Variants in ZNF568 observed in about 807,000 individuals in gnomAD.
ZNF568 encodes p53 inhibitor of SCO2 activation.
In ZNF568, 11 loss-of-function variants were observed where a neutral mutation model predicts 18.1. The observed-to-expected ratio is 0.61, with a 90% CI of 0.38 to 1.00. The LOEUF is 1.00. Ranked by LOEUF, ZNF568 falls within the 50% of genes least tolerant of loss-of-function variation. ZNF568 has a pLI of 0.01. For synonymous variants in ZNF568, 213 were observed against 246.6 expected (o/e 0.86, Z 1.28); for missense variants, 639 against 768.2 (o/e 0.83, Z 1.99).
chr19:36,925,429 C>T (rs1477679968), intron 4 of ZNF568, among the ~76,000 whole-genome samples, 171 bp downstream of exon 4: 1 of 152,078 alleles, frequency 6.6e-6, no homozygotes, highest in Non-Finnish European at 1.5e-5. Context: ...TATGCAGAAG[C>T]AGGTACATAC....
chr19:36,926,401 G>C (rs943929242), intron 4 of ZNF568, among the ~76,000 whole-genome samples: 15 of 152,130 alleles, frequency 9.9e-5, no homozygotes, highest in African/African-American at 3.6e-4. Context: ...AGTTACTTCT[G>C]TTGGCGCGGT....
intron 7 of ZNF568, among the ~76,000 whole-genome samples, chr19:36,977,833 AT>A (rs2074298373): frequency 1.3e-5 from 2 of 152,170 alleles, no homozygotes; most frequent in South Asian, 4.1e-4. Context: ...CATTTCTGCC[AT>A]TTGCTAGCTC....
chr19:36,995,779 A>C (rs761568324), intron 4 of ZNF568, among the ~76,000 whole-genome samples: 51 of 152,192 alleles, frequency 3.4e-4, no homozygotes, highest in Non-Finnish European at 6.5e-4. Context: ...TTGGATTAAT[A>C]CTAGCTTAAC....
chr19:36,962,530 G>T (rs934896941), intron 6 of ZNF568, among the ~76,000 whole-genome samples: 7 of 151,358 alleles, frequency 4.6e-5, no homozygotes, highest in Non-Finnish European at 1.0e-4. Context: ...TAGTAGAGAC[G>T]GTCTTTTACC....
intron 1 of ZNF568, among the ~76,000 whole-genome samples, chr19:36,917,291 G>T (rs1325372634): frequency 6.6e-6 from 1 of 152,148 alleles, no homozygotes; most frequent in African/African-American, 2.4e-5. Flanking sequence ...TCACCAGAGC[G>T]CAAGAGAGAT....
At chr19:36,919,034 C>T (rs77630606) in intron 2 of ZNF568, among the ~76,000 whole-genome samples, 19,888 of 152,068 alleles carry the variant, frequency 0.13, 1,468 homozygotes, top group African/African-American at 0.19. Context: ...ATTTATTCAT[C>T]ATTGGACACT....
chr19:36,986,323 C>A (rs2074376544), intron 2 of ZNF568, among the ~76,000 whole-genome samples: 1 of 152,060 alleles, frequency 6.6e-6, no homozygotes, highest in Non-Finnish European at 1.5e-5. Context: ...GACCCCCCAA[C>A]TTGGCCAGCT....
intron 4 of ZNF568, chr19:36,991,946 T>A: frequency 1.1e-6 from 1 of 926,890 alleles, no homozygotes; most frequent in South Asian, 1.8e-5. Context: ...GAAAGCTGCC[T>A]AAAAAGGCTT....
At chr19:36,953,995 G>A (rs775002911), downstream of ZNF568, among the ~76,000 whole-genome samples, 2 of 152,272 alleles carry the variant, frequency 1.3e-5, no homozygotes, top group Non-Finnish European at 2.9e-5. Flanking sequence ...AGGCCTAGGC[G>A]GGCCGATTAC....
At chr19:36,954,913 T>C (rs2074096158), downstream of ZNF568, among the ~76,000 whole-genome samples, 1 of 151,710 alleles carries the variant, frequency 6.6e-6, no homozygotes, top group Non-Finnish European at 1.5e-5. Flanking sequence ...GGGGTCTCCC[T>C]CTGTTGCCCA....
chr19:36,927,903 ATTTTTTTTTTTTTTTTTTT>A (rs71177414), intron 4 of ZNF568, among the ~76,000 whole-genome samples: 1 of 26,602 alleles, frequency 3.8e-5, no homozygotes, highest in Non-Finnish European at 5.6e-5. Flanking sequence ...ATATATATAT[ATTTTTTTTTTTTTTTTTTT>A]TTTTTTTTTG....
chr19:36,919,103 A>G (rs2073405867), intron 2 of ZNF568, among the ~76,000 whole-genome samples: 1 of 152,160 alleles, frequency 6.6e-6, no homozygotes, highest in Non-Finnish European at 1.5e-5. Context: ...TGGGTATACA[A>G]CTATCTGAGT....
At chr19:36,964,817 AATAAAC>A (rs1419332654) in intron 6 of ZNF568, among the ~76,000 whole-genome samples, 1 of 152,170 alleles carries the variant, frequency 6.6e-6, no homozygotes, top group Non-Finnish European at 1.5e-5. Context: ...CTTATAAATA[AATAAAC>A]ATAAAATAAT....
intron 4 of ZNF568, 157 bp from the exon 5 acceptor site, chr19:36,936,589 C>A: frequency 1.7e-6 from 1 of 600,620 alleles, no homozygotes; most frequent in Non-Finnish European, 2.6e-6. Flanking sequence ...AATGTCCAAC[C>A]ATTATTTCTT....
chr19:36,996,436 C>T lies in ZNF568; in HGVS notation c.349C>T (p.Gln117Ter), dbSNP rs1262674394. 3.9e-6 allele frequency: 6 copies of T among 1,536,368 alleles called. No individual in the cohort carries two copies. In the South Asian group the frequency reaches 7.1e-5, roughly 18 times the overall value. Residue 117 changes from glutamine (Q) to a stop codon, truncating the protein, a stop_gained, in exon 5 of 5, where the codon CAA (glutamine) becomes TAA (stop). Coordinates refer to the ZNF568 transcript ENST00000433993. LOFTEE classifies it low-confidence loss of function (END_TRUNC). The stretch of plus-strand genomic sequence containing the variant: ...AGAAATCAGATGCCAGGTGGAGAGA[C>T]AACAGGGTCATCAGGAGGGACATTT...
intron 6 of ZNF568, among the ~76,000 whole-genome samples, chr19:36,941,672 G>T (rs565094225): frequency 6.6e-6 from 1 of 152,272 alleles, no homozygotes; most frequent in East Asian, 1.9e-4. Context: ...AGATAGACTT[G>T]TCAGGATCAT....
exon 5 of ZNF568, chr19:36,996,945 T>C (rs775491538): frequency 6.5e-7 from 1 of 1,537,880 alleles, no homozygotes; most frequent in African/African-American, 1.4e-5. Flanking sequence ...GGATCCATAC[T>C]GATGAGAAAT....
rs1246090550 is a variant in ZNF568, at chr19:36,950,389, C to T, written c.1236C>T (p.His412=). The T allele has an allele frequency of 6.2e-7, 1 of 1,613,762 alleles. No individual in the cohort carries two copies. Among genetic ancestry groups the T allele is most frequent in the Non-Finnish European group, 8.5e-7 (1 of 1,179,942 alleles). Residue 412 remains histidine (H), a synonymous_variant, in exon 7 of 7, where the codon CAC becomes CAT. Transcript: ENST00000333987. ...TATTTATTATACATATGAGAAGTCA[C>T]ACTGGTGAGAAACCCTATGTATGTA... ...CSVFIIHMRS[H]TGEKPYVCSE...
At chr19:36,937,774 A>G (rs1005140027) in intron 6 of ZNF568, among the ~76,000 whole-genome samples, 2 of 152,196 alleles carry the variant, frequency 1.3e-5, no homozygotes, top group Non-Finnish European at 2.9e-5. Context: ...TTTCTGGCTT[A>G]GAAATCCCAT....
Sources: gnomAD v4.1 joint callset for allele counts (sites outside exome capture counted in the v4.1 genomes callset) on GRCh38, gnomAD v4.1.1 for gene constraint, MANE v1.5 for transcripts, NCBI Gene and HGNC (gene_info 2026-07-23, HGNC 2026-07-21) for gene names.